UBAC1: variants seen among roughly 807,000 people sequenced by gnomAD.
UBAC1 encodes ubiquitin-associated domain-containing protein 1.
In UBAC1, 27 loss-of-function variants were observed where a neutral mutation model predicts 45.9. The ratio of observed to expected loss-of-function variants is 0.59; its 90% CI spans 0.43 to 0.81. The LOEUF (loss-of-function observed/expected upper bound fraction) is 0.81. Among genes scored for constraint, UBAC1 ranks in the 30% least tolerant of loss-of-function variants. The pLI, the probability that UBAC1 is intolerant of heterozygous loss-of-function variation, is 0.00. For missense variants in UBAC1, 529 were observed against 539.2 expected, an observed-to-expected ratio of 0.98 and a Z score of 0.19; for synonymous variants, 227 against 215.5, an observed-to-expected ratio of 1.05 and a Z score of -0.47.
At chr9:135,956,582 G>C (rs537003638) in intron 1 of UBAC1, among the ~76,000 whole-genome samples, 5 of 151,890 alleles carry the variant, frequency 3.3e-5, no homozygotes, top group Non-Finnish European at 7.4e-5. Context: ...CCCGACACAC[G>C]ACAGCACAGC....
chr9:135,933,875 T>C (rs1456338945), intron 9 of UBAC1, among the ~76,000 whole-genome samples: 3 of 152,018 alleles, frequency 2.0e-5, no homozygotes, highest in Non-Finnish European at 2.9e-5. Flanking sequence ...GGTCAGCAGA[T>C]GCAGAAAGGA....
chr9:135,959,371 G>GTTTT (rs1564200535), intron 1 of UBAC1, among the ~76,000 whole-genome samples: 1 of 103,988 alleles, frequency 9.6e-6, no homozygotes, highest in Non-Finnish European at 1.8e-5. Context: ...TTTTTTGTCT[G>GTTTT]GTTTTTTTTT....
chr9:135,936,852 T>C (rs148367988), intron 9 of UBAC1, among the ~76,000 whole-genome samples: 1 of 152,104 alleles, frequency 6.6e-6, no homozygotes, highest in African/African-American at 2.4e-5. Context: ...CTGAAGGACA[T>C]CAAAACACGG....
intron 1 of UBAC1, among the ~76,000 whole-genome samples, chr9:135,960,435 C>G (rs1839519373): frequency 6.6e-6 from 1 of 152,150 alleles, no homozygotes; most frequent in Admixed American, 6.6e-5. Flanking sequence ...CGCAGCGGCA[C>G]TATTTCAGGG....
rs1002588347 is a variant in UBAC1, at chr9:135,945,970, C to T, written c.572G>A (p.Arg191His). The change falls in exon 6 of 10, where the codon CGT becomes CAT. Residue 191 changes from arginine (R) to histidine (H), a missense_variant. By Grantham distance (29) the Arg-to-His change is conservative (BLOSUM62 0). Transcript: ENST00000371756. The part of the protein sequence containing the change: ...NAMLDEDEDE[R>H]VDEAALRQLT... ...CTGCCGCAGGGCAGCCTCGTCCACA[C>T]GCTCATCCTCGTCCTCGTCCAGCAT... 7.4e-6 allele frequency: 12 copies of T among 1,613,768 alleles called. No individual in the cohort carries two copies. The highest frequency in any genetic ancestry group is 2.2e-5 in the East Asian group (1 of 44,900).
chr9:135,936,802 T>A (rs1057133263), intron 9 of UBAC1, among the ~76,000 whole-genome samples: 1 of 152,024 alleles, frequency 6.6e-6, no homozygotes, highest in African/African-American at 2.4e-5. Context: ...CATGGAGGGT[T>A]TTCTTTAAAG....
intron 4 of UBAC1, 27 bp from the exon 5 acceptor site, chr9:135,946,398 T>C (rs1408765071): frequency 7.0e-7 from 1 of 1,431,004 alleles, no homozygotes; most frequent in African/African-American, 1.4e-5. Flanking sequence ...GGAGATCAAT[T>C]CTCTAAATGT....
At position 135,952,925 on chromosome 9, in the gene UBAC1, G is replaced by A. The variant is rs549705690; in HGVS notation, c.333+755C>T. ...TGCGGTGTGAGGTGGGGCTTGTCGC[G>A]AGTGCTCCCTCACCGGCCACTCTCT... On this transcript the variant is annotated intron_variant, in intron 3 of 9. Transcript: ENST00000371756. Among the ~76,000 whole-genome samples the A allele has an allele frequency of 7.2e-5, 11 of 152,348 alleles. No individual in the cohort carries two copies. The South Asian group carries it at 2.3e-3, about 32-fold the overall frequency.
At chr9:135,946,456 CTT>C in intron 4 of UBAC1, 85 bp from the exon 5 acceptor site, 1 of 881,666 alleles carries the variant, frequency 1.1e-6, no homozygotes, top group Non-Finnish European at 1.9e-6. Flanking sequence ...TCCTAGAACT[CTT>C]GATTCTGAGA....
rs368040154 is a variant in UBAC1, at chr9:135,938,384, C to A, written c.964-24G>T. 6.8e-6 allele frequency: 11 copies of A among 1,609,722 alleles called. No individual in the cohort carries two copies. In the African/African-American group the frequency reaches 1.5e-4, roughly 21 times the overall value. ...CACTGCAAAGCCAAGAGCACCAATACCACTGTTAGCGCCTTCAGTGCCTCC... is the reference window on the plus strand; with the variant it reads ...CACTGCAAAGCCAAGAGCACCAATAACACTGTTAGCGCCTTCAGTGCCTCC... On this transcript the variant is annotated intron_variant, in intron 8 of 9. Transcript: ENST00000371756.
chr9:135,951,830 T>A (rs1839409014), intron 3 of UBAC1, among the ~76,000 whole-genome samples: 2 of 151,996 alleles, frequency 1.3e-5, no homozygotes, highest in South Asian at 2.1e-4. Context: ...AAAATAATAA[T>A]AAAAATAATA....
At chr9:135,953,820 G>C in intron 2 of UBAC1, 67 bp from the exon 3 acceptor site, 1 of 1,414,176 alleles carries the variant, frequency 7.1e-7, no homozygotes, top group African/African-American at 1.4e-5. Flanking sequence ...TGGCATAAAG[G>C]GTGCTGGATG....
At chr9:135,956,060 A>T (rs951527838) in intron 1 of UBAC1, among the ~76,000 whole-genome samples, 8 of 152,216 alleles carry the variant, frequency 5.3e-5, no homozygotes, top group African/African-American at 1.9e-4. Flanking sequence ...ATGGGCACGC[A>T]GTCACCAGGG....
At chr9:135,939,992 C>G (rs1588530966) in intron 7 of UBAC1, among the ~76,000 whole-genome samples, 1 of 152,358 alleles carries the variant, frequency 6.6e-6, no homozygotes, top group East Asian at 1.9e-4. Context: ...AGCCGGGGGG[C>G]AGTGCAGCTC....
intron 7 of UBAC1, among the ~76,000 whole-genome samples, chr9:135,943,816 T>C (rs1839296016): frequency 6.6e-6 from 1 of 152,204 alleles, no homozygotes. Flanking sequence ...TCACGTCCTT[T>C]GCAGGGTCAT....
At position 135,947,548 on chromosome 9, in the gene UBAC1, G is replaced by A. The variant is rs137958401; in HGVS notation, c.441+250C>T. On this transcript the variant is annotated intron_variant, in intron 4 of 9. Coordinates refer to ENST00000371756, the MANE Select transcript of UBAC1 (RefSeq NM_016172.3). ...AAACGTTTTGCCAAACTCAGGGCCG[G>A]ATTGACGTTTTCCCAGGGGTATCTA... The A allele has an allele frequency of 1.4e-3, 604 of 428,500 alleles. 3 individuals are homozygous for A. The highest frequency in any genetic ancestry group is 0.011 in the African/African-American group (514 of 48,860). The allele number at this position is 428,500 out of a possible 1,614,324, so 26.5% of individuals were successfully genotyped here.
At position 135,938,264 on chromosome 9, in the gene UBAC1, G is replaced by T. The variant is rs764981951; in HGVS notation, c.1060C>A (p.Pro354Thr). Residue 354 changes from proline to threonine, a missense_variant, in exon 9 of 10, where the codon CCG (proline) becomes ACG (threonine). Pro to Thr is a conservative substitution (Grantham distance 38). Transcript: ENST00000371756. ...SPLFQAILDN[P>T]VVQLGLTNPK... is the part of the protein sequence containing the mutation. ...TTGGTCAGGCCCAGCTGCACCACCG[G>T]GTTATCCAGGATGGCCTGAAAGAGA... 1 of 1,614,216 alleles carries T rather than the reference G, an allele frequency of 6.2e-7. No homozygotes were observed. The highest frequency in any genetic ancestry group is 8.5e-7 in the Non-Finnish European group (1 of 1,180,048).
At position 135,939,210 on chromosome 9, in the gene UBAC1, T is replaced by TAA. The variant is rs71384034; in HGVS notation, c.963+461_963+462dup. Among the ~76,000 whole-genome samples the TAA allele has an allele frequency of 8.6e-4, 118 of 136,474 alleles. 1 individual carries two copies. The East Asian group carries it at 9.2e-3, about 11-fold the overall frequency. The allele number at this position is 136,474 out of a possible 152,430, so 89.5% of individuals were successfully genotyped here. The stretch of plus-strand genomic sequence containing the variant: ...AGTGAGACCCTGACTCCAAAAAAAT[T>TAA]AAAAAAAAAAAAAAATGAACAAATT... On this transcript the variant is annotated intron_variant, in intron 8 of 9. Coordinates refer to ENST00000371756, the MANE Select transcript of UBAC1 (RefSeq NM_016172.3).
rs143031188 is a variant in UBAC1 at position 135,957,228 on chromosome 9, G to T, written c.139-1813C>A. ...CACACAAAACTGGCCAGGCTGAGGGGATGTTGGGGGGACGCAGCTACTAGG... is the reference window on the plus strand; with the variant it reads ...CACACAAAACTGGCCAGGCTGAGGGTATGTTGGGGGGACGCAGCTACTAGG... On this transcript the variant is annotated intron_variant, in intron 1 of 9. Coordinates refer to ENST00000371756, the MANE Select transcript of UBAC1 (RefSeq NM_016172.3). Among the ~76,000 whole-genome samples the T allele has an allele frequency of 3.8e-3, 576 of 152,198 alleles. 4 individuals carry two copies. The highest frequency in any genetic ancestry group is 0.013 in the African/African-American group (550 of 41,516).
Sources: gnomAD v4.1 joint callset for allele counts (sites outside exome capture counted in the v4.1 genomes callset) on GRCh38, gnomAD v4.1.1 for gene constraint, MANE v1.5 for transcripts, NCBI Gene and HGNC (gene_info 2026-07-23, HGNC 2026-07-21) for gene names.